TKT: variants seen among roughly 807,000 people sequenced by gnomAD.
The protein encoded by TKT is epididymis luminal protein 107.
A neutral mutation model predicts 63.9 loss-of-function variants in TKT; 47 were observed. The ratio of observed to expected loss-of-function variants is 0.74; its 90% CI spans 0.58 to 0.94. The LOEUF is 0.94. Ranked by LOEUF, TKT falls within the 40% of genes least tolerant of loss-of-function variation. TKT has a pLI of 0.00. For missense variants in TKT, 721 were observed against 846.2 expected (o/e 0.85, Z 1.84); for synonymous variants, 338 against 334.1 (o/e 1.01, Z -0.13).
chr3:53,248,974 T>C (rs62256002), intron 1 of TKT, among the ~76,000 whole-genome samples: 15,625 of 152,094 alleles, frequency 0.1, 947 homozygotes, highest in South Asian at 0.15. Flanking sequence ...TTTTTATTTA[T>C]TTATTTATTT....
rs377455261 is a variant in TKT, at chr3:53,225,753, G to T, written c.*3C>A. 1 of 1,607,368 alleles carries T rather than the reference G, an allele frequency of 6.2e-7. No homozygotes were observed. Among genetic ancestry groups the T allele is most frequent in the East Asian group, 2.2e-5 (1 of 44,662 alleles). ...GACCCCCGCCCCACACTTCATACCC[G>T]CCCTAGGCCTTGGTGATGAGGCCCC... On this transcript the variant is annotated 3_prime_UTR_variant, in exon 14 of 14. Coordinates refer to ENST00000462138, the MANE Select transcript of TKT (RefSeq NM_001064.4).
intron 10 of TKT, among the ~76,000 whole-genome samples, 165 bp from the exon 11 acceptor site, chr3:53,228,524 CA>C (rs1553676124): frequency 1.3e-5 from 2 of 152,190 alleles, no homozygotes; most frequent in African/African-American, 4.8e-5. Context: ...GCCCGCACCC[CA>C]CTTGAACACT....
chr3:53,254,411 G>A (rs1204900052), intron 1 of TKT, among the ~76,000 whole-genome samples: 1 of 152,230 alleles, frequency 6.6e-6, no homozygotes, highest in African/African-American at 2.4e-5. Context: ...AAGGCAGTGG[G>A]TGGGGGAAGG....
intron 6 of TKT, 77 bp from the exon 7 acceptor site, chr3:53,231,627 A>C (rs999465420): frequency 6.2e-6 from 9 of 1,461,738 alleles, no homozygotes; most frequent in Middle Eastern, 2.0e-4. Flanking sequence ...GCTCCAGGAG[A>C]CTGGCCCTCT....
chr3:53,229,300 G>C lies in TKT; in HGVS notation c.1244C>G (p.Ser415Cys), dbSNP rs782682534. 1.2e-6 allele frequency: 2 copies of C among 1,614,006 alleles called. No homozygotes were observed. The highest frequency in any genetic ancestry group is 1.7e-6 in the Non-Finnish European group (2 of 1,179,968). Residue 415 changes from serine (S) to cysteine (C), a missense_variant, in exon 9 of 14, where the codon TCC (serine) becomes TGC (cysteine). By Grantham distance (112) the Ser-to-Cys change is moderately radical. Transcript: ENST00000462138. Reference sequence around the variant, plus strand: ...CTCACCGATGGAAACGCCGCAGTGGGAGCCGCAGAGGTTGATGTTGCTCTC... The same window carrying C: ...CTCACCGATGGAAACGCCGCAGTGGCAGCCGCAGAGGTTGATGTTGCTCTC... ...ISESNINLCG[S>C]HCGVSIGEDG...
chr3:53,247,419 G>A (rs1705564560), intron 1 of TKT, among the ~76,000 whole-genome samples: 1 of 149,628 alleles, frequency 6.7e-6, no homozygotes, highest in African/African-American at 2.5e-5. Flanking sequence ...TGAGGCACCT[G>A]AGGTCAGGAG....
At chr3:53,231,990 G>T (rs991492183) in intron 6 of TKT, 12 of 264,584 alleles carry the variant, frequency 4.5e-5, no homozygotes, top group South Asian at 1.3e-4. Context: ...GGGAACCCAA[G>T]GCCCAGAACA....
chr3:53,254,253 A>G (rs1378200920), intron 1 of TKT, among the ~76,000 whole-genome samples: 1 of 152,158 alleles, frequency 6.6e-6, no homozygotes, highest in Non-Finnish European at 1.5e-5. Flanking sequence ...AGTACCAAAT[A>G]AGCAATACAA....
chr3:53,229,183 C>T (rs577359444), intron 9 of TKT, 46 bp from the exon 10 acceptor site: 22 of 1,613,682 alleles, frequency 1.4e-5, no homozygotes, highest in Non-Finnish European at 1.9e-5. Context: ...CCCCTACCCC[C>T]CCATCCATGG....
intron 1 of TKT, among the ~76,000 whole-genome samples, chr3:53,244,058 T>A (rs574669627): frequency 6.6e-6 from 1 of 152,110 alleles, no homozygotes; most frequent in African/African-American, 2.4e-5. Context: ...CAGGCCCAGA[T>A]AGAGTAAACG....
At chr3:53,241,305 G>A (rs1026019212) in intron 2 of TKT, 60 bp from the exon 3 acceptor site, 1 of 1,467,684 alleles carries the variant, frequency 6.8e-7, no homozygotes, top group South Asian at 1.3e-5. Context: ...TTCGGGCTGT[G>A]CCTACTTCAC....
Position 53,225,654 on chromosome 3 carries a change from T to G in TKT, c.*102A>C, listed in dbSNP as rs1427307433. On this transcript the variant is annotated 3_prime_UTR_variant, in exon 14 of 14. Transcript: ENST00000462138. Reference sequence around the variant, plus strand: ...GAAAACATTTCAGGGCCAATTCATTTTTCTCAAAACATATATTTACCCCTC... The same window carrying G: ...GAAAACATTTCAGGGCCAATTCATTGTTCTCAAAACATATATTTACCCCTC... 9 of 1,328,108 alleles carry G rather than the reference T, an allele frequency of 6.8e-6. No homozygotes were observed. Among genetic ancestry groups the G allele is most frequent in the Non-Finnish European group, 8.1e-6 (8 of 987,064 alleles). The allele number at this position is 1,328,108 out of a possible 1,614,324, so 82.3% of individuals were successfully genotyped here.
intron 5 of TKT, chr3:53,233,833 T>C (rs1553677820): frequency 1.3e-5 from 2 of 152,286 alleles, no homozygotes; most frequent in African/African-American, 4.8e-5. Context: ...AAAATAGCAC[T>C]TCTCAAACTG....
Position 53,231,428 on chromosome 3 carries a change from C to T in TKT, c.871G>A (p.Glu291Lys), listed in dbSNP as rs1704751764. 2 of 1,614,150 alleles carry T rather than the reference C, an allele frequency of 1.2e-6. No individual in the cohort carries two copies. The highest frequency in any genetic ancestry group is 1.7e-6 in the Non-Finnish European group (2 of 1,180,026). ...KKKILATPPQ[E>K]DAPSVDIANI... ...GCAATGTCCACTGAGGGTGCGTCCT[C>T]CTGTGGAGGGGTTGCCAGGATCTTC... Residue 291 changes from glutamate (E) to lysine (K), a missense_variant, in exon 7 of 14, where the codon GAG becomes AAG. Physicochemically the swap from Glu to Lys is moderately conservative, Grantham distance 56. Coordinates refer to ENST00000462138, the MANE Select transcript of TKT (RefSeq NM_001064.4).
intron 1 of TKT, among the ~76,000 whole-genome samples, chr3:53,243,223 G>T (rs1705361192): frequency 6.6e-6 from 1 of 151,972 alleles, no homozygotes; most frequent in African/African-American, 2.4e-5. Context: ...TTCCCAGCAG[G>T]AAGCGCTGCA....
chr3:53,235,146 C>A lies in TKT; in HGVS notation c.466G>T (p.Gly156Trp). 1 of 1,612,814 alleles carries A rather than the reference C, an allele frequency of 6.2e-7. No homozygotes were observed. Among genetic ancestry groups the A allele is most frequent in the Non-Finnish European group, 8.5e-7 (1 of 1,179,548 alleles). The stretch of plus-strand genomic sequence containing the variant: ...CATACAGAGCCCTCTGACAGCTCCC[C>A]GTCTCCCAGCAAGCAATAGACTCGG... ...SYRVYCLLGD[G>W]ELSEGSVWEA... The change falls in exon 5 of 14, where the codon GGG (glycine) becomes TGG (tryptophan). Residue 156 changes from glycine (G) to tryptophan (W), a missense_variant. Gly to Trp is a radical substitution (Grantham distance 184, BLOSUM62 -2). Transcript: ENST00000462138.
At chr3:53,227,663 TGAGGGCAAGGG>T (rs1704558155) in intron 12 of TKT, 1 of 193,470 alleles carries the variant, frequency 5.2e-6, no homozygotes, top group South Asian at 9.0e-5. Flanking sequence ...AGGAGAGCTC[TGAGGGCAAGGG>T]GCTAGTATCT....
chr3:53,253,350 C>T (rs1476810218), intron 1 of TKT, among the ~76,000 whole-genome samples: 3 of 152,114 alleles, frequency 2.0e-5, no homozygotes, highest in African/African-American at 7.2e-5. Context: ...ACTCTGTCAC[C>T]CATGCTGCAG....
At chr3:53,249,609 G>T (rs1705662901) in intron 1 of TKT, among the ~76,000 whole-genome samples, 1 of 152,076 alleles carries the variant, frequency 6.6e-6, no homozygotes, top group Non-Finnish European at 1.5e-5. Flanking sequence ...GAAGAAAAAG[G>T]TGCTAGGAGA....
Sources: gnomAD v4.1 joint callset for allele counts (sites outside exome capture counted in the v4.1 genomes callset) on GRCh38, gnomAD v4.1.1 for gene constraint, MANE v1.5 for transcripts, NCBI Gene and HGNC (gene_info 2026-07-23, HGNC 2026-07-21) for gene names.